COL5A2: variants seen among roughly 807,000 people sequenced by gnomAD.
The protein encoded by COL5A2 is collagen alpha-2(V) chain.
COL5A2 carries 23 observed loss-of-function variants against 208.2 expected under a neutral mutation model. That is an observed-to-expected ratio of 0.11 (90% confidence interval 0.08 to 0.16). The LOEUF (loss-of-function observed/expected upper bound fraction) is 0.16. Ranked by LOEUF, COL5A2 falls within the 10% of genes least tolerant of loss-of-function variation. The probability of loss-of-function intolerance (pLI) is 1.00; values close to 1 mark genes in which losing one functional copy is unlikely to be tolerated. For synonymous variants in COL5A2, 625 were observed against 628.5 expected (o/e 0.99, Z 0.08); for missense variants, 1,590 against 1,956.4 (o/e 0.81, Z 3.53).
At chr2:189,108,869 T>C (rs1687202551) in intron 2 of COL5A2, among the ~76,000 whole-genome samples, 1 of 151,962 alleles carries the variant, frequency 6.6e-6, no homozygotes, top group Admixed American at 6.6e-5. Context: ...TATTTCATCT[T>C]CATTTCTTTG....
In COL5A2 at chr2:189,068,795, T is replaced by C; in HGVS notation, c.1248A>G (p.Pro416=). The C allele has an allele frequency of 1.2e-6, 2 of 1,612,134 alleles. No homozygotes were observed. The highest frequency in any genetic ancestry group is 8.5e-7 in the Non-Finnish European group (1 of 1,178,620). ...ETGPPGPVGS[P]GLPGAIGTDG... ...TATGCTAGAAACTTACAGGAAGACC[T>C]GGAGAGCCAACTGGACCTGGGGGCC... Residue 416 remains proline, a synonymous_variant, in exon 19 of 54, where the codon CCA becomes CCG. Transcript: ENST00000374866.
the COL5A2 span, among the ~76,000 whole-genome samples, chr2:189,236,261 T>C: frequency 6.6e-6 from 1 of 151,758 alleles, no homozygotes; most frequent in Non-Finnish European, 1.5e-5. Context: ...CTGAGTCCTG[T>C]GAGTCCTATA....
the COL5A2 span, among the ~76,000 whole-genome samples, chr2:189,365,913 T>C: frequency 6.6e-5 from 10 of 152,252 alleles, no homozygotes; most frequent in Non-Finnish European, 1.3e-4. Flanking sequence ...CCCACACATA[T>C]CTGAAAAGTG....
At chr2:189,425,832 T>G in the COL5A2 span, among the ~76,000 whole-genome samples, 1 of 152,134 alleles carries the variant, frequency 6.6e-6, no homozygotes, top group Non-Finnish European at 1.5e-5. Context: ...GTCCTGCTCC[T>G]GCCATGTAAG....
chr2:189,231,898 G>A, the COL5A2 span, among the ~76,000 whole-genome samples: 2 of 151,708 alleles, frequency 1.3e-5, no homozygotes, highest in Non-Finnish European at 2.9e-5. Context: ...TCCTGGGAAA[G>A]CTGAGGTGGA....
At chr2:189,111,490 C>T (rs1687260113) in intron 1 of COL5A2, among the ~76,000 whole-genome samples, 2 of 152,070 alleles carry the variant, frequency 1.3e-5, no homozygotes, top group African/African-American at 2.4e-5. Flanking sequence ...CCCAGCACTA[C>T]CTCTCCTTCC....
intron 1 of COL5A2, among the ~76,000 whole-genome samples, chr2:189,210,458 G>T (rs1689199024): frequency 6.9e-6 from 1 of 145,912 alleles, no homozygotes; most frequent in Admixed American, 6.9e-5. Flanking sequence ...GACAGAGGAA[G>T]CCATTGAAAG....
the COL5A2 span, among the ~76,000 whole-genome samples, chr2:189,264,229 T>A: frequency 3.3e-5 from 5 of 152,062 alleles, no homozygotes; most frequent in African/African-American, 9.7e-5. Flanking sequence ...GATAATATTA[T>A]AAAATTTTAT....
chr2:189,184,026 G>A (rs1364776222), upstream of COL5A2, among the ~76,000 whole-genome samples: 1 of 152,158 alleles, frequency 6.6e-6, no homozygotes, highest in East Asian at 1.9e-4. Context: ...AGGATACATA[G>A]CTGTGAACAA....
At chr2:189,149,844 C>T (rs1450605470) in intron 1 of COL5A2, among the ~76,000 whole-genome samples, 1 of 152,108 alleles carries the variant, frequency 6.6e-6, no homozygotes, top group African/African-American at 2.4e-5. Flanking sequence ...TCTTTCTTAG[C>T]CAAGTTTTTC....
intron 51 of COL5A2, among the ~76,000 whole-genome samples, chr2:189,038,842 A>G (rs893032610): frequency 6.6e-6 from 1 of 152,092 alleles, no homozygotes; most frequent in Non-Finnish European, 1.5e-5. Context: ...GGCACCCGCC[A>G]CCACGCCTGA....
the COL5A2 span, among the ~76,000 whole-genome samples, chr2:189,250,421 A>C: frequency 1.3e-5 from 2 of 152,350 alleles, no homozygotes; most frequent in South Asian, 4.1e-4. Context: ...CAAGTAACAA[A>C]GTTTAACCAG....
At chr2:189,293,694 C>T in the COL5A2 span, among the ~76,000 whole-genome samples, 1 of 152,158 alleles carries the variant, frequency 6.6e-6, no homozygotes, top group Non-Finnish European at 1.5e-5. Context: ...TGTCCATGAA[C>T]CCATAAGCCA....
At chr2:189,275,457 CTTTTT>C in the COL5A2 span, among the ~76,000 whole-genome samples, 3 of 140,090 alleles carry the variant, frequency 2.1e-5, no homozygotes, top group Non-Finnish European at 4.6e-5. Context: ...TCTTTCTTTC[CTTTTT>C]TTTTTTTTTA....
At chr2:189,412,468 A>T in the COL5A2 span, among the ~76,000 whole-genome samples, 2 of 152,176 alleles carry the variant, frequency 1.3e-5, no homozygotes, top group Non-Finnish European at 2.9e-5. Flanking sequence ...TTTTTGATTC[A>T]CTAACAGAAT....
chr2:189,315,484 T>C, the COL5A2 span, among the ~76,000 whole-genome samples: 7 of 152,168 alleles, frequency 4.6e-5, no homozygotes, highest in Admixed American at 2.6e-4. Context: ...TCACACTGAA[T>C]GGGCAAAAGC....
At chr2:189,060,826 T>C (rs1686013180) in intron 30 of COL5A2, 43 bp from the exon 31 acceptor site, 1 of 1,418,148 alleles carries the variant, frequency 7.1e-7, no homozygotes, top group African/African-American at 1.4e-5. Flanking sequence ...TCTGTGTAAG[T>C]TTAACAGGCT....
chr2:189,166,035 C>A (rs950358708), intron 1 of COL5A2, among the ~76,000 whole-genome samples: 2 of 125,482 alleles, frequency 1.6e-5, no homozygotes, highest in African/African-American at 5.2e-5. Context: ...TGAGAGATGT[C>A]ATCTACTTTT....
At position 189,049,406 on chromosome 2, in the gene COL5A2, G is replaced by A; in HGVS notation, c.3088C>T (p.Pro1030Ser). Residue 1030 changes from proline (P) to serine (S), a missense_variant, in exon 44 of 54, where the codon CCA becomes TCA. Physicochemically the swap from Pro to Ser is moderately conservative, Grantham distance 74. Transcript: ENST00000374866. ...GPTGATGDKG[P>S]PGPVGPPGSN... ...CCTGGGGGCCCCACAGGTCCAGGTGGACCTTTATCTCCTGTTGCACCAGTT... is the reference window on the plus strand; with the variant it reads ...CCTGGGGGCCCCACAGGTCCAGGTGAACCTTTATCTCCTGTTGCACCAGTT... 5 of 1,613,674 alleles carry A rather than the reference G, an allele frequency of 3.1e-6. No individual in the cohort carries two copies. The highest frequency in any genetic ancestry group is 1.1e-5 in the South Asian group (1 of 90,870).
Sources: gnomAD v4.1 joint callset for allele counts (sites outside exome capture counted in the v4.1 genomes callset) on GRCh38, gnomAD v4.1.1 for gene constraint, MANE v1.5 for transcripts, NCBI Gene and HGNC (gene_info 2026-07-23, HGNC 2026-07-21) for gene names.